Variants in UBE3A observed in about 807,000 individuals in gnomAD.
UBE3A encodes ubiquitin-protein ligase E3A.
In UBE3A, 6 loss-of-function variants were observed where a neutral mutation model predicts 83.4. The ratio of observed to expected loss-of-function variants is 0.07; its 90% CI spans 0.04 to 0.14. UBE3A has a LOEUF of 0.14. Among genes scored for constraint, UBE3A ranks in the 10% least tolerant of loss-of-function variants. The pLI, the probability that UBE3A is intolerant of heterozygous loss-of-function variation, is 1.00. For missense variants in UBE3A, 456 were observed against 1,036.1 expected, an observed-to-expected ratio of 0.44 and a Z score of 7.69; for synonymous variants, 337 against 355.4, an observed-to-expected ratio of 0.95 and a Z score of 0.58.
At chr15:25,354,247 G>C in intron 11 of UBE3A, 106 bp downstream of exon 11, 1 of 939,322 alleles carries the variant, frequency 1.1e-6, no homozygotes, top group Non-Finnish European at 1.7e-6. Flanking sequence ...ATGACAATTT[G>C]TGAGTTTGCT....
Position 25,438,486 on chromosome 15 carries a change from G to A in UBE3A, c.-165+3C>T, listed in dbSNP as rs1895860189. On this transcript the variant is annotated splice_donor_region_variant and intron_variant, in intron 1 of 12. Transcript: ENST00000648336. The stretch of plus-strand genomic sequence containing the variant: ...GCCTGGCGCAGGCCGCGGCAACACT[G>A]ACCTGTCGTCGCCCCCGCGCCTGGG... The A allele has an allele frequency of 2.6e-5, 4 of 152,272 alleles. No homozygotes were observed. Among genetic ancestry groups the A allele is most frequent in the Admixed American group, 2.6e-4 (4 of 15,286 alleles). The allele number at this position is 152,272 out of a possible 1,614,324, so 9.4% of individuals were successfully genotyped here. A position where few individuals can be genotyped will look rare whatever the true frequency, so the allele number is the denominator to read the frequency against.
At chr15:25,364,234 A>G (rs1260907356) in intron 6 of UBE3A, among the ~76,000 whole-genome samples, 1 of 151,934 alleles carries the variant, frequency 6.6e-6, no homozygotes, top group Non-Finnish European at 1.5e-5. Flanking sequence ...TAAAATAGTA[A>G]AAACAGAATA....
intron 2 of UBE3A, among the ~76,000 whole-genome samples, chr15:25,409,969 G>C (rs756783700): frequency 7.0e-6 from 1 of 143,502 alleles, no homozygotes; most frequent in Non-Finnish European, 1.5e-5. Flanking sequence ...ACAGGAAGGG[G>C]AACATCACAC....
chr15:25,434,039 G>A (rs1283012887), intron 1 of UBE3A, among the ~76,000 whole-genome samples: 2 of 152,126 alleles, frequency 1.3e-5, no homozygotes, highest in Admixed American at 1.3e-4. Context: ...TCCAACTTGG[G>A]CAACACAGCG....
chr15:25,368,130 T>C (rs1007807129), intron 6 of UBE3A, among the ~76,000 whole-genome samples: 2 of 152,148 alleles, frequency 1.3e-5, no homozygotes, highest in African/African-American at 4.8e-5. Context: ...TATATAAGAA[T>C]GAGGCTTAAA....
At chr15:25,364,670 G>T (rs1248929817) in intron 6 of UBE3A, among the ~76,000 whole-genome samples, 1 of 145,132 alleles carries the variant, frequency 6.9e-6, no homozygotes, top group South Asian at 2.1e-4. Context: ...TTGAGACGGA[G>T]TCTCGCTCTG....
At chr15:25,357,902 C>CTTTTTTT (rs35596421) in intron 7 of UBE3A, among the ~76,000 whole-genome samples, 6 of 95,744 alleles carry the variant, frequency 6.3e-5, no homozygotes, top group African/African-American at 1.3e-4. Flanking sequence ...ATCATGGAGG[C>CTTTTTTT]TTTTTTTTTT....
chr15:25,414,817 C>A (rs1424654012), intron 1 of UBE3A, among the ~76,000 whole-genome samples: 1 of 152,156 alleles, frequency 6.6e-6, no homozygotes, highest in African/African-American at 2.4e-5. Context: ...AGCCAAAGCT[C>A]CCAATCACGT....
chr15:25,420,253 AAC>A (rs1181114519), intron 1 of UBE3A, among the ~76,000 whole-genome samples: 1 of 152,202 alleles, frequency 6.6e-6, no homozygotes, highest in Non-Finnish European at 1.5e-5. Flanking sequence ...ACCAGCGATA[AAC>A]AGAGACATTT....
At chr15:25,417,925 A>G (rs1265117469) in intron 1 of UBE3A, 3 of 152,014 alleles carry the variant, frequency 2.0e-5, no homozygotes, top group Non-Finnish European at 2.9e-5. Context: ...AAGAAAAAAA[A>G]AACAAAACCC....
At chr15:25,416,255 T>TGTCCGTAACAGCA (rs2090897267) in intron 1 of UBE3A, among the ~76,000 whole-genome samples, 1 of 152,104 alleles carries the variant, frequency 6.6e-6, no homozygotes, top group Non-Finnish European at 1.5e-5. Flanking sequence ...AAACCAAAAA[T>TGTCCGTAACAGCA]GATTAAATGT....
At chr15:25,344,315 C>T (rs2075327278) in intron 11 of UBE3A, among the ~76,000 whole-genome samples, 1 of 152,114 alleles carries the variant, frequency 6.6e-6, no homozygotes, top group Non-Finnish European at 1.5e-5. Context: ...TGGGATGATT[C>T]TCAGGATACA....
chr15:25,429,280 T>TG (rs1275525354), intron 1 of UBE3A, among the ~76,000 whole-genome samples: 1 of 152,026 alleles, frequency 6.6e-6, no homozygotes, highest in African/African-American at 2.4e-5. Flanking sequence ...CTTGAACAGT[T>TG]GGGGTTGTTA....
chr15:25,409,117 T>C lies in UBE3A; in HGVS notation c.-10A>G. 2 of 1,595,684 alleles carry C rather than the reference T, an allele frequency of 1.3e-6. No homozygotes were observed. The highest frequency in any genetic ancestry group is 8.5e-7 in the Non-Finnish European group (1 of 1,170,292). ...TACAAGCTGTGGCCATTCGGTGACA[T>C]CAGGGTGATCACAGCTTTGAGTCAC... is the stretch of plus-strand genomic sequence containing the variant. On this transcript the variant is annotated 5_prime_UTR_variant, in exon 3 of 13. An upstream start codon of the reference 5' UTR is lost. Coordinates refer to ENST00000648336, the MANE Select transcript of UBE3A (RefSeq NM_130839.5).
intron 4 of UBE3A, 142 bp from the exon 5 acceptor site, chr15:25,375,905 C>A: frequency 1.2e-6 from 1 of 824,650 alleles, no homozygotes; most frequent in Non-Finnish European, 2.0e-6. Context: ...AATGGAGATG[C>A]ACTATTTACC....
chr15:25,413,147 C>G (rs140042000), intron 1 of UBE3A: 1 of 359,566 alleles, frequency 2.8e-6, no homozygotes, highest in Non-Finnish European at 5.4e-6. Flanking sequence ...ATTAGGCACA[C>G]TCACTTGCCA....
At position 25,354,382 on chromosome 15, in the gene UBE3A, A is replaced by C. The variant is rs776323812; in HGVS notation, c.2325T>G (p.Gly775=). Residue 775 remains glycine (G), a synonymous_variant, in exon 11 of 13, where the codon GGT becomes GGG. Transcript: ENST00000648336. ...TCAGAACAGAGTCCCTGGTATAGCC[A>C]CCGTCATATTCTGTAGTTTCTTCTA... is the stretch of plus-strand genomic sequence containing the variant. ...QALEETTEYD[G]GYTRDSVLIR... 1 of 1,613,800 alleles carries C rather than the reference A, an allele frequency of 6.2e-7. No individual in the cohort carries two copies. The highest frequency in any genetic ancestry group is 1.1e-5 in the South Asian group (1 of 91,068).
intron 11 of UBE3A, among the ~76,000 whole-genome samples, chr15:25,341,774 A>T (rs1021019796): frequency 2.4e-4 from 34 of 139,580 alleles, no homozygotes; most frequent in African/African-American, 8.3e-4. Context: ...AAAAAAAAAA[A>T]TTTCATCTCA....
rs1332352039 is a variant in UBE3A at position 25,363,657 on chromosome 15, C to T, written c.1609-3130G>A. ...ATGCTTTACTCACTCTCTTCAATGA[C>T]GACCAAAAATTTTTTTTTTAGGATT... On this transcript the variant is annotated intron_variant, in intron 6 of 12. Transcript: ENST00000648336. 5.3e-5 allele frequency among the ~76,000 whole-genome samples: 8 copies of T among 152,202 alleles called. No individual in the cohort carries two copies. In the East Asian group the frequency reaches 7.7e-4, roughly 15 times the overall value.
Sources: allele counts gnomAD v4.1 joint callset (sites outside exome capture counted in the v4.1 genomes callset), GRCh38; gene constraint gnomAD v4.1.1; transcripts MANE v1.5; gene names NCBI Gene and HGNC (gene_info 2026-07-23, HGNC 2026-07-21).